The following BRD9 variants were observed in gnomAD, a reference collection of about 807,000 sequenced individuals.
The protein encoded by BRD9 is bromodomain-containing protein 9.
In BRD9, 47 loss-of-function variants were observed where a neutral mutation model predicts 68.7. That is an observed-to-expected ratio of 0.68 (90% CI 0.54 to 0.87). The LOEUF is 0.87. Ranked by LOEUF, BRD9 falls within the 40% of genes least tolerant of loss-of-function variation. The probability of loss-of-function intolerance (pLI) is 0.00; values close to 1 mark genes in which losing one functional copy is unlikely to be tolerated. For synonymous variants in BRD9, 313 were observed against 293.9 expected (o/e 1.06, Z -0.67); for missense variants, 670 against 748.4 (o/e 0.90, Z 1.22).
intron 7 of BRD9, among the ~76,000 whole-genome samples, chr5:885,911 T>C (rs902065076): frequency 5.3e-5 from 8 of 152,176 alleles, no homozygotes; most frequent in Non-Finnish European, 1.0e-4. Flanking sequence ...ATACGGACTT[T>C]GATACAATCT....
chr5:883,102 G>C, intron 8 of BRD9: 1 of 357,392 alleles, frequency 2.8e-6, no homozygotes, highest in South Asian at 2.1e-5. Context: ...CGTGAGCCAC[G>C]CAGACCGCAA....
Position 864,169 on chromosome 5 carries a change from C to T in BRD9, c.*299G>A, listed in dbSNP as rs1442557088. The T allele has an allele frequency of 6.0e-5, 14 of 234,456 alleles. No homozygotes were observed. The highest frequency in any genetic ancestry group is 1.1e-4 in the Non-Finnish European group (13 of 116,424). 14.5% of individuals were successfully genotyped at this position (234,456 alleles called of 1,614,324 possible). On this transcript the variant is annotated 3_prime_UTR_variant, in exon 16 of 16. Transcript: ENST00000467963. ...TGTGTACAGAGACTCTCTCTGCTGA[C>T]ACGATGGCCACACGCCCTTCGTGTA...
chr5:885,303 C>A (rs1035643209), intron 7 of BRD9, among the ~76,000 whole-genome samples: 6 of 152,240 alleles, frequency 3.9e-5, no homozygotes, highest in African/African-American at 1.4e-4. Flanking sequence ...TCTGGCCACG[C>A]AGCGCACCCT....
chr5:873,394 T>C (rs531681175), intron 12 of BRD9, among the ~76,000 whole-genome samples: 3 of 152,258 alleles, frequency 2.0e-5, no homozygotes, highest in Non-Finnish European at 4.4e-5. Context: ...TAAGCTAACA[T>C]TCTTTTCTCT....
chr5:891,503 C>G, intron 2 of BRD9, 137 bp downstream of exon 2: 1 of 1,380,238 alleles, frequency 7.2e-7, no homozygotes, highest in Non-Finnish European at 9.6e-7. Flanking sequence ...CGGGCCTCAG[C>G]GGTTCGCGTT....
rs546159598 is a variant in BRD9, at chr5:871,612, T to C, written c.1384-48A>G. The C allele has an allele frequency of 2.9e-5, 46 of 1,562,178 alleles. No individual in the cohort carries two copies. In the East Asian group the frequency reaches 3.1e-4, roughly 11 times the overall value. ...AACTAGTTTTTCCAGAGTGATTTCA[T>C]AGAAACGGACAATTCGCTGACATTA... On this transcript the variant is annotated intron_variant, in intron 12 of 15. Transcript: ENST00000467963.
chr5:891,661 A>C lies in BRD9; in HGVS notation c.246T>G (p.Asp82Glu). The C allele has an allele frequency of 6.4e-7, 1 of 1,550,922 alleles. No individual in the cohort carries two copies. The highest frequency in any genetic ancestry group is 8.7e-7 in the Non-Finnish European group (1 of 1,146,850). ...TTACCTTTCGCTTCCTTCTTTCCTCATCGTCCAGATGCTTCTCCTTCTCGG... is the reference window on the plus strand; with the variant it reads ...TTACCTTTCGCTTCCTTCTTTCCTCCTCGTCCAGATGCTTCTCCTTCTCGG... Reference protein sequence around the residue: ...KKSEKEKHLDDEERRKRKEEK... With the variant: ...KKSEKEKHLDEEERRKRKEEK... The change falls in exon 2 of 16, where the codon GAT becomes GAG. Residue 82 changes from aspartate to glutamate, a missense_variant. Physicochemically the swap from Asp to Glu is conservative, Grantham distance 45 (BLOSUM62 2). Around this residue, in one of 5 missense-constraint regions of BRD9, gnomAD observed 161 missense variants for 148.1 expected, o/e 1.09. Transcript: ENST00000467963.
chr5:874,610 CAG>C (rs1177423427), intron 12 of BRD9, among the ~76,000 whole-genome samples: 13 of 152,208 alleles, frequency 8.5e-5, no homozygotes, highest in African/African-American at 3.1e-4. Flanking sequence ...GCAGAGGCGA[CAG>C]ACTCAGTGAC....
At chr5:892,015 G>C (rs1336307844) in intron 1 of BRD9, 161 bp from the exon 2 acceptor site, 1 of 1,177,896 alleles carries the variant, frequency 8.5e-7, no homozygotes, top group Non-Finnish European at 1.2e-6. Context: ...GTGGCGGCAT[G>C]TCACTGCCTC....
Position 886,700 on chromosome 5 carries a change from G to A in BRD9, c.725C>T (p.Ala242Val), listed in dbSNP as rs1322211438. The change falls in exon 7 of 16, where the codon GCT becomes GTT. Residue 242 changes from alanine (A) to valine (V), a missense_variant. Ala to Val is a moderately conservative substitution (Grantham distance 64). Around this residue, in one of 5 missense-constraint regions of BRD9, gnomAD observed 94 missense variants for 157.2 expected, o/e 0.60. Coordinates refer to ENST00000467963, the MANE Select transcript of BRD9 (RefSeq NM_023924.5). ...AGFKMMSKQA[A>V]LLGNEDTAVE... ...AGCTGTATCTTCATTGCCCAAAAGA[G>A]CTGCCTGCTGAGAAAAATCCATGTC... The A allele has an allele frequency of 6.2e-7, 1 of 1,614,162 alleles. No individual in the cohort carries two copies. Among genetic ancestry groups the A allele is most frequent in the African/African-American group, 1.3e-5 (1 of 75,042 alleles).
chr5:889,006 A>G lies in BRD9; in HGVS notation c.606+15T>C, dbSNP rs955327447. 3.7e-6 allele frequency: 6 copies of G among 1,602,254 alleles called. No individual in the cohort carries two copies. The highest frequency in any genetic ancestry group is 4.3e-6 in the Non-Finnish European group (5 of 1,175,266). On this transcript the variant is annotated intron_variant, in intron 5 of 15. Coordinates refer to ENST00000467963, the MANE Select transcript of BRD9 (RefSeq NM_023924.5). ...AACTATGCCACGATTACTTCGGGCAATGAAAGTAACTTACCTTAAATTCCG... is the reference window on the plus strand; with the variant it reads ...AACTATGCCACGATTACTTCGGGCAGTGAAAGTAACTTACCTTAAATTCCG...
chr5:873,797 C>G (rs984038264), intron 12 of BRD9, among the ~76,000 whole-genome samples: 1 of 152,224 alleles, frequency 6.6e-6, no homozygotes, highest in African/African-American at 2.4e-5. Flanking sequence ...AAGGGACTGA[C>G]CCCTCCTTGG....
In BRD9 at chr5:892,593, G is replaced by T; in HGVS notation, c.52+13C>A. On this transcript the variant is annotated intron_variant, in intron 1 of 15. Transcript: ENST00000467963. The stretch of plus-strand genomic sequence containing the variant: ...CCCCGCCCGCCGCGCGTCACAAAGC[G>T]CCGCCGCCTCACCCTCGTAGGACGA... The T allele has an allele frequency of 1.3e-6, 2 of 1,535,108 alleles. No individual in the cohort carries two copies.
At chr5:864,624 G>C in intron 15 of BRD9, 56 bp from the exon 16 acceptor site, 1 of 1,501,336 alleles carries the variant, frequency 6.7e-7, no homozygotes, top group African/African-American at 1.4e-5. Context: ...CAGCACACGT[G>C]GGGCTCCTGG....
chr5:884,198 T>A, intron 7 of BRD9, 128 bp from the exon 8 acceptor site: 5 of 1,149,082 alleles, frequency 4.4e-6, no homozygotes, highest in Non-Finnish European at 4.9e-6. Flanking sequence ...AGAGCATACT[T>A]AACTCCTTTT....
intron 14 of BRD9, among the ~76,000 whole-genome samples, chr5:867,026 T>C (rs2150549864): frequency 6.6e-6 from 1 of 152,254 alleles, no homozygotes; most frequent in African/African-American, 2.4e-5. Context: ...ATCACAGGCC[T>C]GGGGGTCTAG....
chr5:889,992 A>G (rs1189868642), intron 3 of BRD9: 2 of 344,966 alleles, frequency 5.8e-6, no homozygotes, highest in Admixed American at 7.7e-5. Context: ...TTGATCCTGA[A>G]TTCACCGATT....
At position 864,546 on chromosome 5, in the gene BRD9, G is replaced by A. The variant is rs371971169; in HGVS notation, c.1716C>T (p.Val572=). The A allele has an allele frequency of 2.5e-5, 41 of 1,613,724 alleles. No individual in the cohort carries two copies. The highest frequency in any genetic ancestry group is 6.7e-5 in the African/African-American group (5 of 74,932). Residue 572 remains valine, a synonymous_variant, in exon 16 of 16, where the codon GTC becomes GTT. Transcript: ENST00000467963. ...CGTGGGTGACGTCTGGCTGCTCCCC[G>A]ACACTCAGGCGAGAAGGGCTTCCTG... ...HHLGSPSRLS[V]GEQPDVTHDP... is the part of the protein sequence containing the mutation.
At chr5:884,458 T>C (rs1464921499) in intron 7 of BRD9, among the ~76,000 whole-genome samples, 1 of 152,220 alleles carries the variant, frequency 6.6e-6, no homozygotes, top group African/African-American at 2.4e-5. Context: ...CAAGGCAGGA[T>C]AGGCGGGGCT....
Sources: gnomAD v4.1 joint callset for allele counts (sites outside exome capture counted in the v4.1 genomes callset) on GRCh38, gnomAD v4.1.1 for gene constraint, gnomAD v4.1.1 regional missense constraint, MANE v1.5 for transcripts, NCBI Gene and HGNC (gene_info 2026-07-23, HGNC 2026-07-21) for gene names.